The following AKAP12 variants were observed in gnomAD, a reference collection of about 807,000 sequenced individuals.
AKAP12 encodes A-kinase anchoring protein 12.
A neutral mutation model predicts 79.9 loss-of-function variants in AKAP12; 32 were observed. The ratio of observed to expected loss-of-function variants is 0.40; its 90% CI spans 0.30 to 0.54. The LOEUF (loss-of-function observed/expected upper bound fraction) is 0.54, where lower values mean the gene tolerates loss of function less well. AKAP12 is among the 20% of genes least tolerant of loss of function. The probability of loss-of-function intolerance (pLI) is 0.48; values close to 1 mark genes in which losing one functional copy is unlikely to be tolerated. For missense variants in AKAP12, 2,074 were observed against 2,177.0 expected, an observed-to-expected ratio of 0.95 and a Z score of 0.94; for synonymous variants, 808 against 857.0, an observed-to-expected ratio of 0.94 and a Z score of 1.00.
At chr6:151,296,262 C>T (rs929291178) in intron 2 of AKAP12, among the ~76,000 whole-genome samples, 1 of 152,160 alleles carries the variant, frequency 6.6e-6, no homozygotes, top group South Asian at 2.1e-4. Context: ...ATCCTCTTCT[C>T]AATTTCATGT....
At chr6:151,325,268 G>A (rs1159951743) in intron 3 of AKAP12, 5 of 985,318 alleles carry the variant, frequency 5.1e-6, no homozygotes, top group Non-Finnish European at 6.0e-6. Flanking sequence ...ACATAAGGAT[G>A]CAGAATGCAG....
chr6:151,319,494 A>ATC (rs1777317132), intron 3 of AKAP12: 1 of 123,818 alleles, frequency 8.1e-6, no homozygotes, highest in South Asian at 2.6e-4. Flanking sequence ...TCTACTATCT[A>ATC]TAACTATCTA....
intron 2 of AKAP12, among the ~76,000 whole-genome samples, chr6:151,250,065 T>C (rs559615528): frequency 2.0e-5 from 3 of 152,200 alleles, no homozygotes; most frequent in African/African-American, 7.2e-5. Context: ...GGCAGCATAG[T>C]GAGACCCCAC....
intron 2 of AKAP12, among the ~76,000 whole-genome samples, chr6:151,247,663 G>T (rs921519842): frequency 4.6e-5 from 7 of 152,142 alleles, no homozygotes; most frequent in African/African-American, 1.7e-4. Flanking sequence ...ATTACTTTGT[G>T]GTCATGATCC....
intron 2 of AKAP12, among the ~76,000 whole-genome samples, chr6:151,299,379 A>C (rs1776806130): frequency 6.6e-6 from 1 of 152,170 alleles, no homozygotes; most frequent in Non-Finnish European, 1.5e-5. Context: ...AAAGTGAGTA[A>C]AAAGGAAACC....
intron 2 of AKAP12, among the ~76,000 whole-genome samples, chr6:151,289,174 T>G (rs997175508): frequency 1.3e-5 from 2 of 152,168 alleles, no homozygotes; most frequent in African/African-American, 4.8e-5. Flanking sequence ...CTGTGAGAGA[T>G]GAATGTCAAG....
chr6:151,272,637 G>A (rs1440957880), intron 2 of AKAP12, among the ~76,000 whole-genome samples: 3 of 152,146 alleles, frequency 2.0e-5, no homozygotes, highest in East Asian at 3.9e-4. Context: ...CTGGGTTTGA[G>A]TGATTTTCCT....
chr6:151,322,117 C>T (rs1777410868), intron 3 of AKAP12, among the ~76,000 whole-genome samples: 1 of 151,958 alleles, frequency 6.6e-6, no homozygotes, highest in Non-Finnish European at 1.5e-5. Context: ...ATCATGTTGG[C>T]CAGGCTGGTC....
intron 3 of AKAP12, among the ~76,000 whole-genome samples, chr6:151,312,852 G>C (rs1726158162): frequency 6.6e-6 from 1 of 150,700 alleles, no homozygotes; most frequent in Non-Finnish European, 1.5e-5. Flanking sequence ...GGGATTCGGA[G>C]GGTGGTCCAT....
chr6:151,283,682 CAGAG>C (rs1776448432), intron 2 of AKAP12, among the ~76,000 whole-genome samples: 1 of 152,238 alleles, frequency 6.6e-6, no homozygotes, highest in Non-Finnish European at 1.5e-5. Flanking sequence ...GCATTCTGAT[CAGAG>C]AATGCCTAAG....
chr6:151,344,440 A>C (rs1303611925), intron 3 of AKAP12, among the ~76,000 whole-genome samples: 1 of 152,196 alleles, frequency 6.6e-6, no homozygotes, highest in Non-Finnish European at 1.5e-5. Context: ...CATAACTTAG[A>C]GAATAACAAG....
At chr6:151,354,587 A>T (rs1778398146) in intron 4 of AKAP12, among the ~76,000 whole-genome samples, 1 of 151,954 alleles carries the variant, frequency 6.6e-6, no homozygotes, top group Non-Finnish European at 1.5e-5. Flanking sequence ...GTTAGCCAGG[A>T]GGTCTCGATC....
chr6:151,268,720 G>A (rs1286317009), intron 2 of AKAP12, among the ~76,000 whole-genome samples: 2 of 152,076 alleles, frequency 1.3e-5, no homozygotes, highest in East Asian at 3.9e-4. Flanking sequence ...TCAGTTCACT[G>A]CAACCTCTGC....
rs566754847 is a variant in AKAP12 at position 151,333,095 on chromosome 6, G to A, written c.320-15616G>A. Among the ~76,000 whole-genome samples the A allele has an allele frequency of 3.9e-5, 6 of 152,248 alleles. No homozygotes were observed. In the East Asian group the frequency reaches 9.7e-4, roughly 24 times the overall value. On this transcript the variant is annotated intron_variant, in intron 3 of 4. Coordinates refer to ENST00000402676, the MANE Select transcript of AKAP12 (RefSeq NM_005100.4). The stretch of plus-strand genomic sequence containing the variant: ...ATGGAGCTTTTTGGTTTTCCTCTTT[G>A]TAGCCAGTCGGACAAATCTAAGGCA...
chr6:151,251,624 C>T (rs921778375), intron 2 of AKAP12, among the ~76,000 whole-genome samples: 1 of 152,158 alleles, frequency 6.6e-6, no homozygotes, highest in Non-Finnish European at 1.5e-5. Flanking sequence ...TGTAACAAAC[C>T]ATGCCAAAAA....
Position 151,349,737 on chromosome 6 carries a change from A to G in AKAP12, c.1346A>G (p.Glu449Gly), listed in dbSNP as rs1042063. ...AGSVPAEELVEMDAEPQEAEP... is the reference protein window; with the variant it reads ...AGSVPAEELVGMDAEPQEAEP... ...TCTGTGCCAGCTGAAGAATTGGTTG[A>G]AATGGATGCAGAACCTCAGGAAGCT... The change falls in exon 4 of 5, where the codon GAA becomes GGA. Residue 449 changes from glutamate to glycine, a missense_variant. Transcript: ENST00000402676. 2.2e-5 allele frequency: 36 copies of G among 1,614,156 alleles called. No individual in the cohort carries two copies. The highest frequency in any genetic ancestry group is 2.8e-5 in the Non-Finnish European group (33 of 1,180,030).
In AKAP12 at chr6:151,357,704, A is replaced by G. The variant is rs1043296309; in HGVS notation, c.*1990A>G. On this transcript the variant is annotated 3_prime_UTR_variant, in exon 5 of 5. Transcript: ENST00000402676. ...AATTCAAAAAACCTCTGATATATAT[A>G]TATAATTTTTTTTTTTTTTTTTTTT... 3 of 138,008 alleles carry G rather than the reference A, an allele frequency of 2.2e-5. No individual in the cohort carries two copies. Among genetic ancestry groups the G allele is most frequent in the Non-Finnish European group, 3.0e-5 (2 of 65,610 alleles). 8.5% of individuals were successfully genotyped at this position (138,008 alleles called of 1,614,324 possible). A position where few individuals can be genotyped will look rare whatever the true frequency, so the allele number is the denominator to read the frequency against.
At chr6:151,272,232 C>T (rs1776197057) in intron 2 of AKAP12, among the ~76,000 whole-genome samples, 1 of 150,846 alleles carries the variant, frequency 6.6e-6, no homozygotes, top group South Asian at 2.1e-4. Flanking sequence ...GTAGTCCTAG[C>T]TACTTAGGAG....
In AKAP12 at chr6:151,341,780, G is replaced by C. The variant is rs1018820322; in HGVS notation, c.320-6931G>C. The C allele has an allele frequency of 1.3e-5, 17 of 1,286,688 alleles. No individual in the cohort carries two copies. The Admixed American group carries it at 3.7e-4, about 28-fold the overall frequency. The allele number at this position is 1,286,688 out of a possible 1,614,324, so 79.7% of individuals were successfully genotyped here. A position where few individuals can be genotyped will look rare whatever the true frequency, so the allele number is the denominator to read the frequency against. ...ACCAACTGTCCCTTAGGACCGGCCC[G>C]AGATGGGTGTGTGTGGGTTTTCCAG... On this transcript the variant is annotated intron_variant, in intron 3 of 4. Transcript: ENST00000402676.
Sources: gnomAD v4.1 joint callset for allele counts (sites outside exome capture counted in the v4.1 genomes callset) on GRCh38, gnomAD v4.1.1 for gene constraint, MANE v1.5 for transcripts, NCBI Gene and HGNC (gene_info 2026-07-23, HGNC 2026-07-21) for gene names.